The following TRAF2 variants were observed in gnomAD, a reference collection of about 807,000 sequenced individuals.
TRAF2 encodes the protein TNF receptor-associated factor 2.
A neutral mutation model predicts 55.6 loss-of-function variants in TRAF2; 6 were observed. The ratio of observed to expected loss-of-function variants is 0.11; its 90% CI spans 0.06 to 0.21. The LOEUF (loss-of-function observed/expected upper bound fraction) is 0.21. Ranked by LOEUF, TRAF2 falls within the 10% of genes least tolerant of loss-of-function variation. The pLI, the probability that TRAF2 is intolerant of heterozygous loss-of-function variation, is 1.00. For synonymous variants in TRAF2, 329 were observed against 276.3 expected, an observed-to-expected ratio of 1.19 and a Z score of -1.89; for missense variants, 561 against 684.5, an observed-to-expected ratio of 0.82 and a Z score of 2.01.
At chr9:136,903,918 GT>G (rs1849884231) in intron 4 of TRAF2, among the ~76,000 whole-genome samples, 1 of 152,106 alleles carries the variant, frequency 6.6e-6, no homozygotes, top group South Asian at 2.1e-4. Flanking sequence ...TCCTGACCTC[GT>G]GATCCGCCTG....
chr9:136,910,160 C>G, intron 6 of TRAF2, 166 bp downstream of exon 6: 2 of 735,968 alleles, frequency 2.7e-6, no homozygotes, highest in Non-Finnish European at 4.6e-6. Context: ...GTGGCGGCCG[C>G]TCTCCTGAGT....
rs763160998 is a variant in TRAF2 at position 136,925,805 on chromosome 9, C to G, written c.1410C>G (p.Pro470=). The G allele has an allele frequency of 1.2e-6, 2 of 1,614,266 alleles. No homozygotes were observed. Among genetic ancestry groups the G allele is most frequent in the Non-Finnish European group, 1.7e-6 (2 of 1,180,050 alleles). The change falls in exon 11 of 11, where the codon CCC becomes CCG. Residue 470 remains proline, a synonymous_variant. Transcript: ENST00000247668. ...VNDMNIASGC[P]LFCPVSKMEA... ...ACATGAACATCGCAAGCGGCTGCCCCCTCTTCTGCCCCGTCTCCAAGATGG... is the reference window on the plus strand; with the variant it reads ...ACATGAACATCGCAAGCGGCTGCCCGCTCTTCTGCCCCGTCTCCAAGATGG...
At chr9:136,901,431 A>C (rs945139521) in intron 4 of TRAF2, among the ~76,000 whole-genome samples, 1 of 152,346 alleles carries the variant, frequency 6.6e-6, no homozygotes, top group Middle Eastern at 3.4e-3. Context: ...ATTCAGCCTT[A>C]AAAAGGAAGG....
intron 6 of TRAF2, among the ~76,000 whole-genome samples, chr9:136,914,951 G>A (rs746052320): frequency 6.6e-6 from 1 of 151,190 alleles, no homozygotes; most frequent in Non-Finnish European, 1.5e-5. Flanking sequence ...AGGCGGAGGC[G>A]AGCGGATCAC....
chr9:136,886,348 C>T (rs138179770), upstream of TRAF2: 120 of 971,020 alleles, frequency 1.2e-4, no homozygotes, highest in Non-Finnish European at 1.1e-4. Context: ...CTGGTTGGCT[C>T]CGGCGTCAGT....
rs1292419351 is a variant in TRAF2 at position 136,886,631 on chromosome 9, A to G, written c.-29+90A>G. The G allele has an allele frequency of 1.5e-5, 13 of 858,436 alleles. No homozygotes were observed. In the East Asian group the frequency reaches 1.4e-3, roughly 90 times the overall value. The allele number at this position is 858,436 out of a possible 1,614,324, so 53.2% of individuals were successfully genotyped here. A position where few individuals can be genotyped will look rare whatever the true frequency, so the allele number is the denominator to read the frequency against. Reference sequence around the variant, plus strand: ...CGCGGGGTCGGGCGCAGGCGCGGGCACCTCTCAGGGAGACTCCGGGCCGGA... The same window carrying G: ...CGCGGGGTCGGGCGCAGGCGCGGGCGCCTCTCAGGGAGACTCCGGGCCGGA... On this transcript the variant is annotated intron_variant, in intron 1 of 10. Coordinates refer to ENST00000247668, the MANE Select transcript of TRAF2 (RefSeq NM_021138.4).
rs17244439 is a variant in TRAF2, at chr9:136,907,278, C to G, written c.367-792C>G. 7.3e-3 allele frequency among the ~76,000 whole-genome samples: 1,105 copies of G among 152,364 alleles called. 11 individuals carry two copies. The highest frequency in any genetic ancestry group is 0.012 in the Non-Finnish European group (849 of 68,026). The stretch of plus-strand genomic sequence containing the variant: ...TGCATCTTGTGGCACCTTCCCCGGC[C>G]CTGCCTCCACTGCCTGCCTTCCCTG... On this transcript the variant is annotated intron_variant, in intron 4 of 10. Transcript: ENST00000247668.
chr9:136,916,150 G>C (rs1400040816), intron 6 of TRAF2, among the ~76,000 whole-genome samples: 1 of 152,154 alleles, frequency 6.6e-6, no homozygotes, highest in African/African-American at 2.4e-5. Context: ...TGTCGTGTCT[G>C]TGTCATCCTG....
In TRAF2 at chr9:136,909,922, G is replaced by C; in HGVS notation, c.531G>C (p.Ala177=). The C allele has an allele frequency of 6.2e-7, 1 of 1,614,144 alleles. No individual in the cohort carries two copies. The highest frequency in any genetic ancestry group is 1.1e-5 in the South Asian group (1 of 91,070). ...ACTCCTGATCCCTTCTTTTGAAGGC[G>C]CACCACGAGGTCTGCCCCAAGTTCC... ...RAPCCGADVK[A]HHEVCPKFPL... Residue 177 remains alanine, a splice_region_variant and synonymous_variant, in exon 6 of 11, where the codon GCG becomes GCC. Coordinates refer to ENST00000247668, the MANE Select transcript of TRAF2 (RefSeq NM_021138.4).
At chr9:136,905,375 A>C (rs1298842428) in intron 4 of TRAF2, among the ~76,000 whole-genome samples, 1 of 152,208 alleles carries the variant, frequency 6.6e-6, no homozygotes, top group Admixed American at 6.5e-5. Flanking sequence ...GACTGCGTGA[A>C]TTCACTGACA....
At chr9:136,903,619 G>A (rs1307197150) in intron 4 of TRAF2, among the ~76,000 whole-genome samples, 3 of 151,962 alleles carry the variant, frequency 2.0e-5, no homozygotes, top group Non-Finnish European at 4.4e-5. Context: ...TCTGCTGCAG[G>A]ACAACCCTGG....
intron 6 of TRAF2, among the ~76,000 whole-genome samples, chr9:136,916,121 G>C (rs1850235149): frequency 6.6e-6 from 1 of 152,112 alleles, no homozygotes; most frequent in African/African-American, 2.4e-5. Flanking sequence ...CCCCTTTCTG[G>C]ATTTTACGTT....
intron 1 of TRAF2, among the ~76,000 whole-genome samples, chr9:136,887,366 TCGG>T (rs1179373856): frequency 6.6e-6 from 1 of 152,122 alleles, no homozygotes. Flanking sequence ...CCATGGCCTC[TCGG>T]GAGGCGGCCA....
chr9:136,896,870 A>G (rs1173763231), intron 1 of TRAF2, among the ~76,000 whole-genome samples: 2 of 152,152 alleles, frequency 1.3e-5, no homozygotes, highest in Admixed American at 1.3e-4. Flanking sequence ...GGCCTCCCAA[A>G]GTGCTGAGAT....
In TRAF2 at chr9:136,925,948, G is replaced by A. The variant is rs13291315; in HGVS notation, c.*47G>A. 70 of 1,604,838 alleles carry A rather than the reference G, an allele frequency of 4.4e-5. No homozygotes were observed. The highest frequency in any genetic ancestry group is 1.6e-4 in the East Asian group (7 of 44,752). Reference sequence around the variant, plus strand: ...GGGTTGGGGGCAGCCAGGCACAGCCGGCTCACGGAGGGGCCACCACGCTGG... The same window carrying A: ...GGGTTGGGGGCAGCCAGGCACAGCCAGCTCACGGAGGGGCCACCACGCTGG... On this transcript the variant is annotated 3_prime_UTR_variant, in exon 11 of 11. Coordinates refer to ENST00000247668, the MANE Select transcript of TRAF2 (RefSeq NM_021138.4).
intron 1 of TRAF2, among the ~76,000 whole-genome samples, chr9:136,896,511 G>A (rs17244390): frequency 4.0e-3 from 611 of 152,344 alleles, no homozygotes; most frequent in Non-Finnish European, 7.1e-3. Flanking sequence ...CGTCTGTGCC[G>A]TGGAAGTTCC....
At chr9:136,897,376 C>T (rs752827866) in intron 1 of TRAF2, among the ~76,000 whole-genome samples, 1 of 152,196 alleles carries the variant, frequency 6.6e-6, no homozygotes, top group African/African-American at 2.4e-5. Flanking sequence ...TTACTGAGTT[C>T]TAGTGGACAG....
In TRAF2 at chr9:136,926,006, C is replaced by CGCGCTTGG. The variant is rs759722354; in HGVS notation, c.*115_*122dup. 2.2e-6 allele frequency: 3 copies of CGCGCTTGG among 1,381,870 alleles called. No individual in the cohort carries two copies. The highest frequency in any genetic ancestry group is 3.0e-6 in the Non-Finnish European group (3 of 984,604). 85.6% of individuals were successfully genotyped at this position (1,381,870 alleles called of 1,614,324 possible). On this transcript the variant is annotated 3_prime_UTR_variant, in exon 11 of 11. Transcript: ENST00000247668. ...TCTCACTGTACAAGTGGGCAGGGGC[C>CGCGCTTGG]GCGCTTGGGCGCTTGGGAGGGTGTC...
chr9:136,916,622 C>T lies in TRAF2; in HGVS notation c.678+7C>T, dbSNP rs750485907. On this transcript the variant is annotated splice_region_variant and intron_variant, in intron 7 of 10. Transcript: ENST00000247668. Reference sequence around the variant, plus strand: ...CATCGGCTGCCTCGAGACGGTGAGTCGGGGGGTCTGAGGTTGGGGGCCACC... The same window carrying T: ...CATCGGCTGCCTCGAGACGGTGAGTTGGGGGGTCTGAGGTTGGGGGCCACC... The T allele has an allele frequency of 1.4e-5, 23 of 1,613,392 alleles. No homozygotes were observed. Among genetic ancestry groups the T allele is most frequent in the Admixed American group, 5.0e-5 (3 of 59,990 alleles).
Sources: gnomAD v4.1 joint callset for allele counts (sites outside exome capture counted in the v4.1 genomes callset) on GRCh38, gnomAD v4.1.1 for gene constraint, MANE v1.5 for transcripts, NCBI Gene and HGNC (gene_info 2026-07-23, HGNC 2026-07-21) for gene names.